Variants in USP24 observed in about 807,000 individuals in gnomAD.
USP24 encodes ubiquitin specific peptidase 24.
In USP24, 97 loss-of-function variants were observed where a neutral mutation model predicts 361.6. That is an observed-to-expected ratio of 0.27 (90% CI 0.23 to 0.32). USP24 has a LOEUF of 0.32. Ranked by LOEUF, USP24 falls within the 10% of genes least tolerant of loss-of-function variation. USP24 has a pLI of 1.00. For synonymous variants in USP24, 1,098 were observed against 1,124.6 expected (o/e 0.98, Z 0.47); for missense variants, 2,353 against 3,165.6 (o/e 0.74, Z 6.16).
Position 55,077,281 on chromosome 1 carries a change from G to A in USP24, c.7334C>T (p.Pro2445Leu). Residue 2445 changes from proline (P) to leucine (L), a missense_variant, in exon 62 of 68, where the codon CCA becomes CTA. Pro to Leu is a moderately conservative substitution (Grantham distance 98). Around this residue, in one of 8 missense-constraint regions of USP24, gnomAD observed 598 missense variants for 761.9 expected, o/e 0.78. Coordinates refer to ENST00000294383, the MANE Select transcript of USP24 (RefSeq NM_015306.3). ...HFIKNQLETA[P>L]PHELKNTFQL... is the part of the protein sequence containing the mutation. ...GAACGTATTCTTTAACTCATGAGGT[G>A]GAGCCGTTTCTAGTTGGTTCTGAAA... 6.4e-7 allele frequency: 1 copy of A among 1,564,698 alleles called. No homozygotes were observed. The highest frequency in any genetic ancestry group is 8.7e-7 in the Non-Finnish European group (1 of 1,150,968).
intron 35 of USP24, 27 bp from the exon 36 acceptor site, chr1:55,123,629 T>C: frequency 6.4e-7 from 1 of 1,567,850 alleles, no homozygotes; most frequent in Non-Finnish European, 8.7e-7. Context: ...AGAAATTTAC[T>C]GTGGATCCTA....
intron 59 of USP24, among the ~76,000 whole-genome samples, chr1:55,080,383 T>G (rs1645125476): frequency 6.6e-6 from 1 of 152,164 alleles, no homozygotes; most frequent in Non-Finnish European, 1.5e-5. Context: ...GTGTTTTTAT[T>G]TAGTTTCCTG....
Position 55,107,351 on chromosome 1 carries a change from A to G in USP24, c.4650T>C (p.Pro1550=), listed in dbSNP as rs1322693893. 22 of 1,613,838 alleles carry G rather than the reference A, an allele frequency of 1.4e-5. No individual in the cohort carries two copies. The highest frequency in any genetic ancestry group is 1.9e-5 in the Non-Finnish European group (22 of 1,179,880). ...TGGTCTCACATTCAGCTGTACGATT[A>G]GGTTCAAAGTTATCCAGCCAAGTAA... ...DEITWLDNFE[P]NRTAECETSE... is the part of the protein sequence containing the mutation. The change falls in exon 40 of 68, where the codon CCT becomes CCC. Residue 1550 remains proline (P), a synonymous_variant. Transcript: ENST00000294383.
At chr1:55,080,754 G>T (rs1004720752) in intron 59 of USP24, among the ~76,000 whole-genome samples, 6 of 152,112 alleles carry the variant, frequency 3.9e-5, no homozygotes, top group African/African-American at 1.4e-4. Context: ...GACAATTTGT[G>T]GTTTTGCTGT....
intron 1 of USP24, among the ~76,000 whole-genome samples, chr1:55,181,352 G>A (rs953339642): frequency 2.6e-5 from 4 of 152,156 alleles, no homozygotes; most frequent in Admixed American, 1.3e-4. Context: ...GAAGGAGGGG[G>A]TGATGAACTA....
intron 1 of USP24, among the ~76,000 whole-genome samples, chr1:55,212,235 C>T (rs1044845351): frequency 6.6e-6 from 1 of 152,198 alleles, no homozygotes; most frequent in Admixed American, 6.5e-5. Flanking sequence ...ACCCATTATT[C>T]GATTCTTAAT....
intron 3 of USP24, among the ~76,000 whole-genome samples, chr1:55,174,142 T>C (rs1312321218): frequency 1.3e-5 from 2 of 152,190 alleles, no homozygotes; most frequent in Non-Finnish European, 2.9e-5. Flanking sequence ...AAGGTGGAAA[T>C]GACAACAAAG....
intron 65 of USP24, 55 bp downstream of exon 65, chr1:55,072,731 G>T: frequency 6.7e-7 from 1 of 1,491,526 alleles, no homozygotes; most frequent in Non-Finnish European, 9.1e-7. Flanking sequence ...TTCCTGACAA[G>T]ATGTGCTATT....
intron 6 of USP24, among the ~76,000 whole-genome samples, 157 bp from the exon 7 acceptor site, chr1:55,166,107 G>A (rs1235924093): frequency 6.6e-6 from 1 of 150,500 alleles, no homozygotes; most frequent in Non-Finnish European, 1.5e-5. Context: ...ATGGAGAATG[G>A]GGTTTCCATC....
chr1:55,154,505 A>G, intron 13 of USP24, 39 bp from the exon 14 acceptor site: 2 of 1,539,922 alleles, frequency 1.3e-6, no homozygotes, highest in Non-Finnish European at 1.8e-6. Context: ...CTTCACGATC[A>G]AACTGGCAAA....
intron 61 of USP24, among the ~76,000 whole-genome samples, chr1:55,077,625 G>A (rs1417446094): frequency 1.3e-5 from 2 of 152,154 alleles, no homozygotes; most frequent in African/African-American, 4.8e-5. Flanking sequence ...AGAAGATGCT[G>A]GTAGAGCTAC....
intron 26 of USP24, 48 bp from the exon 27 acceptor site, chr1:55,137,952 C>A: frequency 6.6e-7 from 1 of 1,519,364 alleles, no homozygotes; most frequent in South Asian, 1.2e-5. Flanking sequence ...TTTATTTATT[C>A]ATTTAAACAA....
intron 1 of USP24, among the ~76,000 whole-genome samples, chr1:55,208,402 C>T (rs570508819): frequency 1.1e-4 from 16 of 152,030 alleles, no homozygotes; most frequent in Admixed American, 2.0e-4. Context: ...CTGAGGTTGG[C>T]GGATCACTTG....
At chr1:55,179,681 A>G (rs2100831321) in intron 1 of USP24, among the ~76,000 whole-genome samples, 1 of 152,090 alleles carries the variant, frequency 6.6e-6, no homozygotes, top group South Asian at 2.1e-4. Context: ...CATTCCCAGG[A>G]CCTGGTGATT....
intron 38 of USP24, among the ~76,000 whole-genome samples, chr1:55,117,742 CAAA>C (rs58149121): frequency 1.5e-5 from 1 of 66,846 alleles, no homozygotes; most frequent in Non-Finnish European, 2.4e-5. Flanking sequence ...GACTCCGTCT[CAAA>C]AAAAAAAAAA....
At chr1:55,167,037 T>C (rs1309836187) in intron 5 of USP24, among the ~76,000 whole-genome samples, 1 of 152,198 alleles carries the variant, frequency 6.6e-6, no homozygotes, top group Non-Finnish European at 1.5e-5. Flanking sequence ...TTCTCCTCTT[T>C]TTCTTTTCTT....
At chr1:55,139,903 T>C (rs1255665385) in intron 24 of USP24, among the ~76,000 whole-genome samples, 2 of 152,132 alleles carry the variant, frequency 1.3e-5, no homozygotes, top group African/African-American at 4.8e-5. Flanking sequence ...TTAGAAAATA[T>C]CTAAGTCCAT....
rs1334490012 is a variant in USP24, at chr1:55,157,110, T to C, written c.1343-59A>G. The C allele has an allele frequency of 3.4e-6, 5 of 1,473,740 alleles. No individual in the cohort carries two copies. The Admixed American group carries it at 9.2e-5, about 27-fold the overall frequency. The allele number at this position is 1,473,740 out of a possible 1,614,324, so 91.3% of individuals were successfully genotyped here. On this transcript the variant is annotated intron_variant, in intron 11 of 67. Transcript: ENST00000294383. ...ATAGTGAACACTGACTCTCTAAATA[T>C]AATTCTATTGATTCAAAACAATAAC...
At chr1:55,176,743 A>T (rs955539731) in intron 2 of USP24, among the ~76,000 whole-genome samples, 3 of 152,220 alleles carry the variant, frequency 2.0e-5, no homozygotes, top group African/African-American at 7.2e-5. Context: ...GAGTAACTTC[A>T]ATGATCTGAT....
Sources: gnomAD v4.1 joint callset for allele counts (sites outside exome capture counted in the v4.1 genomes callset) on GRCh38, gnomAD v4.1.1 for gene constraint, gnomAD v4.1.1 regional missense constraint, MANE v1.5 for transcripts, NCBI Gene and HGNC (gene_info 2026-07-23, HGNC 2026-07-21) for gene names.